The following AACS variants were observed in gnomAD, a reference collection of about 807,000 sequenced individuals.
The protein encoded by AACS is acetoacetyl-CoA synthetase, also known as acetoacetate-CoA ligase.
AACS carries 69 observed loss-of-function variants against 83.1 expected under a neutral mutation model. The ratio of observed to expected loss-of-function variants is 0.83; its 90% CI spans 0.68 to 1.01. The LOEUF (loss-of-function observed/expected upper bound fraction) is 1.01. Among genes scored for constraint, AACS ranks in the 50% least tolerant of loss-of-function variants. AACS has a pLI of 0.00. For synonymous variants in AACS, 333 were observed against 343.4 expected, an observed-to-expected ratio of 0.97 and a Z score of 0.33; for missense variants, 866 against 882.2, an observed-to-expected ratio of 0.98 and a Z score of 0.23.
chr12:125,105,376 G>C (rs936728519), intron 7 of AACS: 1 of 152,182 alleles, frequency 6.6e-6, no homozygotes, highest in Non-Finnish European at 1.5e-5. Flanking sequence ...GCAGGCCCGG[G>C]TGCCTGTCCC....
At chr12:125,080,325 T>TAAAAAAAAA (rs893158480) in intron 3 of AACS, among the ~76,000 whole-genome samples, 3 of 151,884 alleles carry the variant, frequency 2.0e-5, no homozygotes, top group Non-Finnish European at 2.9e-5. Flanking sequence ...TGTGAATCCT[T>TAAAAAAAAA]AAAAAAAACC....
At chr12:125,079,870 T>A (rs1956127511) in intron 3 of AACS, among the ~76,000 whole-genome samples, 1 of 152,104 alleles carries the variant, frequency 6.6e-6, no homozygotes, top group African/African-American at 2.4e-5. Flanking sequence ...TGTTCCTGCC[T>A]CCCCCAGCTC....
intron 3 of AACS, among the ~76,000 whole-genome samples, chr12:125,085,988 ACT>A (rs901999117): frequency 4.6e-5 from 7 of 151,896 alleles, no homozygotes; most frequent in Admixed American, 1.3e-4. Context: ...TGGAGGTCTC[ACT>A]CTGTTGTCAG....
chr12:125,132,497 T>C (rs955254686), intron 14 of AACS, among the ~76,000 whole-genome samples: 2 of 152,158 alleles, frequency 1.3e-5, no homozygotes, highest in Admixed American at 6.5e-5. Context: ...AGGGCTGCCA[T>C]TCATAGACTC....
chr12:125,082,120 C>T (rs1956204249), intron 3 of AACS, among the ~76,000 whole-genome samples: 1 of 151,796 alleles, frequency 6.6e-6, no homozygotes, highest in Non-Finnish European at 1.5e-5. Context: ...AGTGATCTGC[C>T]CGCCTCCCAA....
rs567291420 is a variant in AACS, at chr12:125,097,521, G to A, written c.571-5158G>A. 1.6e-3 allele frequency among the ~76,000 whole-genome samples: 233 copies of A among 148,888 alleles called. 1 individual carries two copies. The highest frequency in any genetic ancestry group is 5.3e-3 in the African/African-American group (215 of 40,866). ...TCATTCCCTTGTCCCCCACCCGCCC[G>A]CCGTGAACTTTGCTGAGGGGCAGAG... On this transcript the variant is annotated intron_variant, in intron 5 of 17. Transcript: ENST00000316519. This position sits in a 1 kb window ranked among gnomAD's most constrained non-coding sequence, Gnocchi z 4.3.
At chr12:125,112,636 C>T (rs1956977535) in intron 8 of AACS, among the ~76,000 whole-genome samples, 1 of 146,410 alleles carries the variant, frequency 6.8e-6, no homozygotes, top group East Asian at 2.0e-4. Context: ...GCCGAGATCA[C>T]ACCACTGCGC....
chr12:125,133,030 C>T (rs1318426124), intron 14 of AACS, among the ~76,000 whole-genome samples: 2 of 152,198 alleles, frequency 1.3e-5, no homozygotes, highest in African/African-American at 4.8e-5. Context: ...CTTCCCGGAT[C>T]GCAGGAAATC....
intron 17 of AACS, chr12:125,138,575 C>T (rs577644871): frequency 6.6e-6 from 1 of 152,260 alleles, no homozygotes; most frequent in East Asian, 1.9e-4. Context: ...ACAGTTGTTA[C>T]CAAACCATAT....
At chr12:125,077,509 CAA>C (rs34406989) in intron 3 of AACS, among the ~76,000 whole-genome samples, 42 of 69,664 alleles carry the variant, frequency 6.0e-4, no homozygotes, top group Middle Eastern at 0.017. Flanking sequence ...GACTCTGTCT[CAA>C]AAAAAAAAAA....
intron 16 of AACS, among the ~76,000 whole-genome samples, chr12:125,135,348 G>A (rs1409270076): frequency 6.6e-6 from 1 of 152,136 alleles, no homozygotes; most frequent in Non-Finnish European, 1.5e-5. Flanking sequence ...GCCTGCCTCG[G>A]CCTCCCAAAG....
chr12:125,098,347 T>C (rs765027038), intron 5 of AACS, among the ~76,000 whole-genome samples: 2 of 151,888 alleles, frequency 1.3e-5, no homozygotes, highest in Non-Finnish European at 2.9e-5. Context: ...TGAGCTGTGA[T>C]CTGTCTACTG....
In AACS at chr12:125,113,428, G is replaced by A. The variant is rs1483344263; in HGVS notation, c.916-1049G>A. Among the ~76,000 whole-genome samples, 1 of 152,192 alleles carries A rather than the reference G, an allele frequency of 6.6e-6. No individual in the cohort carries two copies. The highest frequency in any genetic ancestry group is 1.5e-5 in the Non-Finnish European group (1 of 68,032). ...TCAGGATCTTGTACGAGATCCGTTGGAAAGACAGGAAAACCGAGGCTGGGA... is the reference window on the plus strand; with the variant it reads ...TCAGGATCTTGTACGAGATCCGTTGAAAAGACAGGAAAACCGAGGCTGGGA... On this transcript the variant is annotated intron_variant, in intron 8 of 17. Coordinates refer to ENST00000316519, the MANE Select transcript of AACS (RefSeq NM_023928.5). The surrounding 1 kb of genome is among the most constrained non-coding windows in gnomAD (Gnocchi z 4.8).
intron 3 of AACS, chr12:125,078,354 C>T (rs900866605): frequency 1.5e-5 from 7 of 455,938 alleles, no homozygotes; most frequent in East Asian, 6.9e-5. Context: ...AACGTCTCGA[C>T]GTACCATATG....
intron 2 of AACS, among the ~76,000 whole-genome samples, chr12:125,075,796 G>A (rs913153901): frequency 1.3e-5 from 2 of 148,960 alleles, no homozygotes; most frequent in East Asian, 4.0e-4. Flanking sequence ...GTTTCACCGT[G>A]TTAGCCAGGA....
rs763777648 is a variant in AACS, at chr12:125,125,063, G to A, written c.1309+39G>A. On this transcript the variant is annotated intron_variant, in intron 12 of 17. Coordinates refer to ENST00000316519, the MANE Select transcript of AACS (RefSeq NM_023928.5). The stretch of plus-strand genomic sequence containing the variant: ...GGGGACAGTCCTTCCAGCCATCCCC[G>A]CCGGCCCCATAAGTATGCACACCTC... The A allele has an allele frequency of 5.6e-6, 9 of 1,612,772 alleles. No individual in the cohort carries two copies. In the Admixed American group the frequency reaches 6.7e-5, roughly 12 times the overall value.
intron 5 of AACS, chr12:125,101,181 C>A (rs917040858): frequency 6.6e-6 from 1 of 152,184 alleles, no homozygotes; most frequent in Non-Finnish European, 1.5e-5. Flanking sequence ...GAATAGAAGC[C>A]TTGTCTGAGA....
At chr12:125,102,905 C>T in intron 6 of AACS, 95 bp from the exon 7 acceptor site, 1 of 1,438,820 alleles carries the variant, frequency 7.0e-7, no homozygotes, top group Admixed American at 1.8e-5. Context: ...GTTATATTCT[C>T]TGCCCCAGAT....
intron 9 of AACS, among the ~76,000 whole-genome samples, chr12:125,114,906 G>A (rs910116430): frequency 2.4e-4 from 37 of 151,744 alleles, no homozygotes; most frequent in Non-Finnish European, 4.1e-4. Flanking sequence ...TTCCCCGGGC[G>A]CTGGCCCGTG....
Sources: gnomAD v4.1 joint callset for allele counts (sites outside exome capture counted in the v4.1 genomes callset) on GRCh38, gnomAD v4.1.1 for gene constraint, Gnocchi (gnomAD v3.1) non-coding constraint, MANE v1.5 for transcripts, NCBI Gene and HGNC (gene_info 2026-07-23, HGNC 2026-07-21) for gene names.